INCENP: variants seen among roughly 807,000 people sequenced by gnomAD.
INCENP encodes binds and activates aurora-B and -C in vivo and in vitro.
INCENP carries 43 observed loss-of-function variants against 107.3 expected under a neutral mutation model. The observed-to-expected ratio is 0.40, with a 90% confidence interval of 0.31 to 0.52. The LOEUF (loss-of-function observed/expected upper bound fraction) is 0.52, where lower values mean the gene tolerates loss of function less well. Ranked by LOEUF, INCENP falls within the 20% of genes least tolerant of loss-of-function variation. The probability of loss-of-function intolerance (pLI) is 0.53; values close to 1 mark genes in which losing one functional copy is unlikely to be tolerated. For synonymous variants in INCENP, 488 were observed against 494.4 expected (o/e 0.99, Z 0.17); for missense variants, 1,089 against 1,250.9 (o/e 0.87, Z 1.95).
Position 62,140,273 on chromosome 11 carries a change from C to T in INCENP, c.1331C>T (p.Pro444Leu), listed in dbSNP as rs187738543. The change falls in exon 8 of 19, where the codon CCG becomes CTG. Residue 444 changes from proline (P) to leucine (L), a missense_variant. Transcript: ENST00000394818. ...TDQADGPREPPQSARRKRSYK... is the reference protein window; with the variant it reads ...TDQADGPREPLQSARRKRSYK... The stretch of plus-strand genomic sequence containing the variant: ...CAAGCAGATGGACCCAGAGAGCCAC[C>T]GCAGAGTGCCAGGTTTGCATCCGGG... The T allele has an allele frequency of 1.3e-4, 207 of 1,613,650 alleles. No homozygotes were observed. The highest frequency in any genetic ancestry group is 1.2e-3 in the East Asian group (53 of 44,836).
At chr11:62,135,733 A>G (rs1943979303) in intron 4 of INCENP, among the ~76,000 whole-genome samples, 1 of 152,208 alleles carries the variant, frequency 6.6e-6, no homozygotes, top group Non-Finnish European at 1.5e-5. Flanking sequence ...AAAAGTCCTT[A>G]GATATTAGGA....
chr11:62,132,309 A>G (rs984442553), intron 4 of INCENP, among the ~76,000 whole-genome samples: 3 of 152,212 alleles, frequency 2.0e-5, no homozygotes, highest in African/African-American at 7.2e-5. Context: ...CTGTCCAGAA[A>G]GTCAGGTGCT....
rs374626235 is a variant in INCENP, at chr11:62,141,578, C to T, written c.1605+67C>T. The T allele has an allele frequency of 9.1e-5, 144 of 1,584,346 alleles. No homozygotes were observed. The African/African-American group carries it at 1.8e-3, about 19-fold the overall frequency. ...GCACTCACCCGCTGTAGCCCCTTCC[C>T]TGCGTAGCTGACAGCACCTGTAGAT... On this transcript the variant is annotated intron_variant, in intron 11 of 18. Transcript: ENST00000394818.
intron 7 of INCENP, among the ~76,000 whole-genome samples, chr11:62,139,352 A>C (rs953082677): frequency 3.9e-5 from 6 of 151,992 alleles, no homozygotes; most frequent in Non-Finnish European, 7.4e-5. Flanking sequence ...TGAACACCCC[A>C]CCTGGCCTCC....
chr11:62,150,278 A>G, intron 18 of INCENP, 71 bp downstream of exon 18: 1 of 1,537,830 alleles, frequency 6.5e-7, no homozygotes, highest in Non-Finnish European at 8.9e-7. Flanking sequence ...CCCTGGAAGT[A>G]GTGGGTTGGC....
At position 62,145,212 on chromosome 11, in the gene INCENP, C is replaced by T. The variant is rs375600827; in HGVS notation, c.1759C>T (p.Arg587Trp). The T allele has an allele frequency of 1.4e-5, 22 of 1,613,930 alleles. No individual in the cohort carries two copies. The highest frequency in any genetic ancestry group is 1.1e-4 in the African/African-American group (8 of 74,930). ...RLRKVLQARE[R>W]VEQMKEEKKK... is the part of the protein sequence containing the mutation. ...CCGCAAGGTGCTGCAGGCCCGCGAG[C>T]GGGTGGAGCAGATGAAGGAGGAGAA... The change falls in exon 13 of 19, where the codon CGG (arginine) becomes TGG (tryptophan). Residue 587 changes from arginine (R) to tryptophan (W), a missense_variant. Transcript: ENST00000394818.
In INCENP at chr11:62,152,060, C is replaced by T; in HGVS notation, c.*84C>T. The T allele has an allele frequency of 9.3e-7, 1 of 1,069,874 alleles. No individual in the cohort carries two copies. The highest frequency in any genetic ancestry group is 1.4e-6 in the Non-Finnish European group (1 of 735,644). 66.3% of individuals were successfully genotyped at this position (1,069,874 alleles called of 1,614,324 possible). On this transcript the variant is annotated 3_prime_UTR_variant, in exon 19 of 19. Coordinates refer to ENST00000394818, the MANE Select transcript of INCENP (RefSeq NM_001040694.2). The stretch of plus-strand genomic sequence containing the variant: ...GTCGGTCTCTGTCTTGGTCTGTTGC[C>T]CTCCTTCTTGGCATGCCATTGTGGA...
In INCENP at chr11:62,153,128, T is replaced by A. The variant is rs960486096; in HGVS notation, c.*1152T>A. The A allele has an allele frequency of 6.6e-6, 1 of 152,234 alleles. No homozygotes were observed. Among genetic ancestry groups the A allele is most frequent in the African/African-American group, 2.4e-5 (1 of 41,458 alleles). The allele number at this position is 152,234 out of a possible 1,614,324, so 9.4% of individuals were successfully genotyped here. On this transcript the variant is annotated 3_prime_UTR_variant, in exon 19 of 19. Coordinates refer to ENST00000394818, the MANE Select transcript of INCENP (RefSeq NM_001040694.2). Reference sequence around the variant, plus strand: ...TTTGAACTTTTTCAGAAGTTCTGCTTAAGGACAAAATAAAGCCTAAATCCA... The same window carrying A: ...TTTGAACTTTTTCAGAAGTTCTGCTAAAGGACAAAATAAAGCCTAAATCCA...
rs116873148 is a variant in INCENP at position 62,146,788 on chromosome 11, G to A, written c.2090G>A (p.Arg697Gln). ...QREQERREQE[R>Q]REQERREQER... ...GAGCAGGAGCGGCGGGAGCAGGAGCGGCGCGAGCAGGAGCGGCGCGAGCAG... is the reference window on the plus strand; with the variant it reads ...GAGCAGGAGCGGCGGGAGCAGGAGCAGCGCGAGCAGGAGCGGCGCGAGCAG... The change falls in exon 15 of 19, where the codon CGG becomes CAG. Residue 697 changes from arginine (R) to glutamine (Q), a missense_variant. Transcript: ENST00000394818. 174,416 of 1,534,412 alleles carry A rather than the reference G, an allele frequency of 0.11. 16,066 individuals are homozygous for A. The highest frequency in any genetic ancestry group is 0.54 in the East Asian group (21,902 of 40,574).
chr11:62,149,289 ATCTG>A (rs1320586749), intron 17 of INCENP, among the ~76,000 whole-genome samples: 1 of 151,952 alleles, frequency 6.6e-6, no homozygotes, highest in East Asian at 1.9e-4. Flanking sequence ...TATTATAGAC[ATCTG>A]TCTATTTCAA....
In INCENP at chr11:62,128,803, A is replaced by C; in HGVS notation, c.174A>C (p.Lys58Asn). 1 of 1,614,132 alleles carries C rather than the reference A, an allele frequency of 6.2e-7. No homozygotes were observed. Among genetic ancestry groups the C allele is most frequent in the Non-Finnish European group, 8.5e-7 (1 of 1,179,962 alleles). The change falls in exon 3 of 19, where the codon AAA becomes AAC. Residue 58 changes from lysine to asparagine, a missense_variant. Lys to Asn is a moderately conservative substitution (Grantham distance 94, BLOSUM62 0). Coordinates refer to ENST00000394818, the MANE Select transcript of INCENP (RefSeq NM_001040694.2). ...GCAAAGAGCCAGAGCTGATGCCCAA[A>C]ACACCTTCTCAGAAGAACCGACGGA... ...EFSKEPELMPKTPSQKNRRKK... is the reference protein window; with the variant it reads ...EFSKEPELMPNTPSQKNRRKK...
At chr11:62,138,396 CA>C (rs1382479202) in intron 5 of INCENP, among the ~76,000 whole-genome samples, 1 of 152,242 alleles carries the variant, frequency 6.6e-6, no homozygotes, top group Admixed American at 6.5e-5. Context: ...GAACAGACCA[CA>C]AAAGAGATGC....
At chr11:62,141,581 C>A in intron 11 of INCENP, 70 bp downstream of exon 11, 1 of 1,573,326 alleles carries the variant, frequency 6.4e-7, no homozygotes, top group Non-Finnish European at 8.8e-7. Context: ...CCCTTCCCTG[C>A]GTAGCTGACA....
rs137984629 is a variant in INCENP at position 62,140,795 on chromosome 11, C to T, written c.1435C>T (p.Pro479Ser). 7 of 1,612,880 alleles carry T rather than the reference C, an allele frequency of 4.3e-6. No individual in the cohort carries two copies. In the South Asian group the frequency reaches 6.6e-5, roughly 15 times the overall value. Residue 479 changes from proline (P) to serine (S), a missense_variant, in exon 9 of 19, where the codon CCT (proline) becomes TCT (serine). Physicochemically the swap from Pro to Ser is moderately conservative, Grantham distance 74 (BLOSUM62 -1). Transcript: ENST00000394818. ...GCTGCAGCCCCCCAGGAGCAAGACC[C>T]CTTCCTCACCCTGCCCAGCCAGCAA... ...EELQPPRSKT[P>S]SSPCPASKVV...
At chr11:62,138,625 C>T in intron 5 of INCENP, 88 bp from the exon 6 acceptor site, 1 of 1,300,368 alleles carries the variant, frequency 7.7e-7, no homozygotes. Flanking sequence ...CCTCTTGGGT[C>T]CCCATCCCTG....
chr11:62,138,380 AAT>A (rs1944036135), intron 5 of INCENP, among the ~76,000 whole-genome samples: 1 of 152,360 alleles, frequency 6.6e-6, no homozygotes, highest in African/African-American at 2.4e-5. Flanking sequence ...CCCCATGGTG[AAT>A]AGAGAACAGA....
At chr11:62,143,789 T>TG (rs1944176050) in intron 11 of INCENP, among the ~76,000 whole-genome samples, 1 of 152,330 alleles carries the variant, frequency 6.6e-6, no homozygotes, top group South Asian at 2.1e-4. Context: ...GGGAGTCTAC[T>TG]GGGAGCCAGG....
intron 11 of INCENP, among the ~76,000 whole-genome samples, chr11:62,141,943 G>C (rs1434709769): frequency 6.6e-6 from 1 of 152,220 alleles, no homozygotes; most frequent in Non-Finnish European, 1.5e-5. Context: ...GTGGGGTGAT[G>C]GGGGAGCGCA....
intron 4 of INCENP, among the ~76,000 whole-genome samples, chr11:62,135,192 G>A (rs1459772228): frequency 6.6e-6 from 1 of 152,142 alleles, no homozygotes; most frequent in Non-Finnish European, 1.5e-5. Context: ...GTTCTTAAAG[G>A]TTTGTTGTGG....
Sources: allele counts gnomAD v4.1 joint callset (sites outside exome capture counted in the v4.1 genomes callset), GRCh38; gene constraint gnomAD v4.1.1; transcripts MANE v1.5; gene names NCBI Gene and HGNC (gene_info 2026-07-23, HGNC 2026-07-21).